Variants in PPP1R9A observed in about 807,000 individuals in gnomAD.
The protein encoded by PPP1R9A is neurabin-1.
Under a neutral mutation model 141.9 loss-of-function variants are expected in PPP1R9A, and 59 were observed. The observed-to-expected ratio is 0.42, with a 90% CI of 0.34 to 0.52. The LOEUF (loss-of-function observed/expected upper bound fraction) is 0.52. Among genes scored for constraint, PPP1R9A ranks in the 20% least tolerant of loss-of-function variants. The pLI, the probability that PPP1R9A is intolerant of heterozygous loss-of-function variation, is 0.10. For synonymous variants in PPP1R9A, 500 were observed against 569.7 expected (o/e 0.88, Z 1.74); for missense variants, 1,444 against 1,611.9 (o/e 0.90, Z 1.78).
chr7:95,282,845 A>AT (rs1266444746), intron 16 of PPP1R9A, among the ~76,000 whole-genome samples: 2 of 152,170 alleles, frequency 1.3e-5, no homozygotes, highest in African/African-American at 2.4e-5. Flanking sequence ...TTTTACATTT[A>AT]TGTCCCAGTC....
intron 4 of PPP1R9A, among the ~76,000 whole-genome samples, chr7:95,133,531 ATATATATAT>A (rs2152537056): frequency 6.8e-6 from 1 of 147,880 alleles, no homozygotes; most frequent in Admixed American, 6.8e-5. Flanking sequence ...ATATATATAT[ATATATATAT>A]ATGCACATCA....
At chr7:95,017,342 T>C (rs902272222) in intron 2 of PPP1R9A, among the ~76,000 whole-genome samples, 2 of 152,140 alleles carry the variant, frequency 1.3e-5, no homozygotes, top group South Asian at 2.1e-4. Flanking sequence ...TACATGAAAA[T>C]ATTTTAGGAA....
intron 5 of PPP1R9A, among the ~76,000 whole-genome samples, chr7:95,168,036 A>G (rs1405590157): frequency 1.3e-5 from 2 of 152,186 alleles, no homozygotes; most frequent in Non-Finnish European, 2.9e-5. Context: ...ACAGAAATAG[A>G]AAAAAGATCC....
intron 6 of PPP1R9A, among the ~76,000 whole-genome samples, chr7:95,199,724 A>G (rs530776734): frequency 5.9e-5 from 9 of 152,342 alleles, no homozygotes; most frequent in African/African-American, 2.2e-4. Context: ...GTATATTTTC[A>G]TTACACTGAG....
chr7:94,988,935 C>A (rs1801171977), intron 2 of PPP1R9A, among the ~76,000 whole-genome samples: 1 of 151,760 alleles, frequency 6.6e-6, no homozygotes, highest in Non-Finnish European at 1.5e-5. Context: ...CCATGTAAAA[C>A]TACTGATTAA....
In PPP1R9A at chr7:94,910,157, G is replaced by A; in HGVS notation, c.44G>A (p.Ser15Asn). Reference sequence around the variant, plus strand: ...TCAGGTGAACGAACCACTCTCAGAAGTGCCTCTCCTCACAGGAATGCATAT... The same window carrying A: ...TCAGGTGAACGAACCACTCTCAGAAATGCCTCTCCTCACAGGAATGCATAT... ...ESSGERTTLR[S>N]ASPHRNAYRT... is the part of the protein sequence containing the mutation. Residue 15 changes from serine (S) to asparagine (N), a missense_variant, in exon 2 of 20, where the codon AGT becomes AAT. Coordinates refer to ENST00000433360, the MANE Select transcript of PPP1R9A (RefSeq NM_001166160.2). The surrounding 1 kb of genome is among the most constrained non-coding windows in gnomAD (Gnocchi z 4.5). 6.2e-7 allele frequency: 1 copy of A among 1,613,942 alleles called. No individual in the cohort carries two copies. Among genetic ancestry groups the A allele is most frequent in the East Asian group, 2.2e-5 (1 of 44,866 alleles).
rs117534271 is a variant in PPP1R9A, at chr7:95,128,568, C to T, written c.1649+7736C>T. Reference sequence around the variant, plus strand: ...TTTCTTTTCTGTTTTGTTTTCTGTTCGTTTGTTTGTTTGTTTGTTTGTTTT... The same window carrying T: ...TTTCTTTTCTGTTTTGTTTTCTGTTTGTTTGTTTGTTTGTTTGTTTGTTTT... On this transcript the variant is annotated intron_variant, in intron 4 of 19. Transcript: ENST00000433360. Among the ~76,000 whole-genome samples, 276 of 151,852 alleles carry T rather than the reference C, an allele frequency of 1.8e-3. 1 individual carries two copies. In the South Asian group the frequency reaches 0.02, roughly 11 times the overall value.
intron 5 of PPP1R9A, among the ~76,000 whole-genome samples, chr7:95,196,413 A>T (rs1836289820): frequency 6.6e-6 from 1 of 152,190 alleles, no homozygotes; most frequent in African/African-American, 2.4e-5. Context: ...AAACAATTTG[A>T]CAATTTCTTT....
chr7:95,285,629 C>T (rs1347559056), intron 17 of PPP1R9A, among the ~76,000 whole-genome samples: 1 of 152,154 alleles, frequency 6.6e-6, no homozygotes, highest in East Asian at 1.9e-4. Context: ...TCTGCGGGTG[C>T]AGTGAGAGAG....
intron 5 of PPP1R9A, among the ~76,000 whole-genome samples, chr7:95,172,700 A>G (rs1832306259): frequency 6.6e-6 from 1 of 151,912 alleles, no homozygotes; most frequent in Non-Finnish European, 1.5e-5. Context: ...TTAAGATTTC[A>G]ACTTTCCCTA....
At chr7:95,211,086 T>A (rs1563424199) in intron 7 of PPP1R9A, among the ~76,000 whole-genome samples, 1 of 151,480 alleles carries the variant, frequency 6.6e-6, no homozygotes, top group Non-Finnish European at 1.5e-5. Flanking sequence ...CCATGGCACA[T>A]GCATACCTAT....
intron 2 of PPP1R9A, among the ~76,000 whole-genome samples, chr7:94,986,635 A>G (rs967343643): frequency 6.6e-6 from 1 of 152,238 alleles, no homozygotes; most frequent in African/African-American, 2.4e-5. Flanking sequence ...GCACAAAATG[A>G]TAAATGTTTG....
At chr7:94,964,623 A>G (rs920372726) in intron 2 of PPP1R9A, among the ~76,000 whole-genome samples, 1 of 152,112 alleles carries the variant, frequency 6.6e-6, no homozygotes, top group African/African-American at 2.4e-5. Context: ...GCTGTAAATG[A>G]TGGTTTCCAG....
In PPP1R9A at chr7:94,921,315, C is replaced by T. The variant is rs1425140275; in HGVS notation, c.1395+9807C>T. Among the ~76,000 whole-genome samples the T allele has an allele frequency of 5.3e-5, 8 of 151,800 alleles. No homozygotes were observed. In the East Asian group the frequency reaches 5.8e-4, roughly 11 times the overall value. On this transcript the variant is annotated intron_variant, in intron 2 of 19. Coordinates refer to ENST00000433360, the MANE Select transcript of PPP1R9A (RefSeq NM_001166160.2). ...CAAAAAAATTAGCTGGGCGTGGTTG[C>T]GGGCGCCTGTAGTCCCAGCTACTCG...
At chr7:95,067,252 T>G (rs1162274328) in intron 2 of PPP1R9A, among the ~76,000 whole-genome samples, 1 of 152,154 alleles carries the variant, frequency 6.6e-6, no homozygotes, top group Non-Finnish European at 1.5e-5. Flanking sequence ...GGAAATGGGA[T>G]CCAGCAGAGA....
At chr7:95,057,133 C>CT (rs995491068) in intron 2 of PPP1R9A, among the ~76,000 whole-genome samples, 1 of 152,010 alleles carries the variant, frequency 6.6e-6, no homozygotes, top group East Asian at 1.9e-4. Flanking sequence ...GTTGAGTTGT[C>CT]TTTTTTTCCT....
At chr7:94,922,915 T>C (rs1462241587) in intron 2 of PPP1R9A, among the ~76,000 whole-genome samples, 2 of 152,202 alleles carry the variant, frequency 1.3e-5, no homozygotes, top group Non-Finnish European at 2.9e-5. Flanking sequence ...AAAAACACTT[T>C]TTAAAATGCT....
chr7:95,151,941 C>CTTTTTTTTTTTTTTTTTTTTTT (rs1167382285), intron 4 of PPP1R9A, among the ~76,000 whole-genome samples: 4 of 54,462 alleles, frequency 7.3e-5, no homozygotes, highest in African/African-American at 1.5e-4. Context: ...TACTGAGAAT[C>CTTTTTTTTTTTTTTTTTTTTTT]TTTTTTTTTT....
At chr7:94,947,242 C>T (rs894164669) in intron 2 of PPP1R9A, among the ~76,000 whole-genome samples, 1 of 152,122 alleles carries the variant, frequency 6.6e-6, no homozygotes, top group African/African-American at 2.4e-5. Flanking sequence ...CTTGCATTGC[C>T]TGACCATCAG....
Sources: allele counts gnomAD v4.1 joint callset (sites outside exome capture counted in the v4.1 genomes callset), GRCh38; gene constraint gnomAD v4.1.1; non-coding constraint Gnocchi (gnomAD v3.1); transcripts MANE v1.5; gene names NCBI Gene and HGNC (gene_info 2026-07-23, HGNC 2026-07-21).